Variants in FBXL17 observed in about 807,000 individuals in gnomAD.
FBXL17 encodes the protein F-box/LRR-repeat protein 17.
In FBXL17, 22 loss-of-function variants were observed where a neutral mutation model predicts 66.2. The ratio of observed to expected loss-of-function variants is 0.33; its 90% confidence interval spans 0.24 to 0.47. The LOEUF (loss-of-function observed/expected upper bound fraction) is 0.47. Ranked by LOEUF, FBXL17 falls within the 20% of genes least tolerant of loss-of-function variation. FBXL17 has a pLI of 1.00. For missense variants in FBXL17, 878 were observed against 948.2 expected, an observed-to-expected ratio of 0.93 and a Z score of 0.97; for synonymous variants, 474 against 400.5, an observed-to-expected ratio of 1.18 and a Z score of -2.19.
intron 6 of FBXL17, among the ~76,000 whole-genome samples, chr5:108,146,100 C>T (rs919831094): frequency 2.6e-5 from 4 of 151,864 alleles, no homozygotes; most frequent in South Asian, 2.1e-4. Context: ...GGCGTGATAG[C>T]GGGCACCTGC....
intron 7 of FBXL17, among the ~76,000 whole-genome samples, chr5:107,941,285 A>G (rs1028486092): frequency 6.6e-6 from 1 of 152,216 alleles, no homozygotes; most frequent in African/African-American, 2.4e-5. Context: ...TCAACCACTC[A>G]TCTTAAAAAC....
chr5:108,206,423 T>C (rs1389931552), intron 5 of FBXL17, among the ~76,000 whole-genome samples: 2 of 152,150 alleles, frequency 1.3e-5, no homozygotes, highest in Non-Finnish European at 2.9e-5. Flanking sequence ...ATATTTAAAA[T>C]GTATAATTTG....
At chr5:108,181,876 T>G (rs914727319) in intron 6 of FBXL17, among the ~76,000 whole-genome samples, 2 of 152,140 alleles carry the variant, frequency 1.3e-5, no homozygotes, top group African/African-American at 4.8e-5. Flanking sequence ...ATTCACTTTT[T>G]CTTGTTTAGA....
Position 108,229,549 on chromosome 5 carries a change from C to T in FBXL17, c.1507-5321G>A, listed in dbSNP as rs1287278108. Among the ~76,000 whole-genome samples, 5 of 152,204 alleles carry T rather than the reference C, an allele frequency of 3.3e-5. No homozygotes were observed. In the South Asian group the frequency reaches 1.0e-3, roughly 32 times the overall value. ...ATGAAACTGGATCCTCATCTCTCACCTTATACAAAAATCGAATCAAGATGG... is the reference window on the plus strand; with the variant it reads ...ATGAAACTGGATCCTCATCTCTCACTTTATACAAAAATCGAATCAAGATGG... On this transcript the variant is annotated intron_variant, in intron 4 of 8. Transcript: ENST00000542267.
chr5:107,960,660 C>T (rs1410831172), intron 7 of FBXL17, among the ~76,000 whole-genome samples: 3 of 152,130 alleles, frequency 2.0e-5, no homozygotes, highest in East Asian at 1.9e-4. Flanking sequence ...TCCATGTTGT[C>T]CCAAAGTAAT....
At chr5:108,047,189 C>T (rs922087718) in intron 6 of FBXL17, among the ~76,000 whole-genome samples, 3 of 152,156 alleles carry the variant, frequency 2.0e-5, no homozygotes, top group Non-Finnish European at 4.4e-5. Context: ...TAGTATGGTG[C>T]GGTGGTACAC....
At chr5:108,264,028 A>C (rs1182680682) in intron 4 of FBXL17, among the ~76,000 whole-genome samples, 3 of 151,940 alleles carry the variant, frequency 2.0e-5, no homozygotes, top group Non-Finnish European at 4.4e-5. Flanking sequence ...AACCTGGCCA[A>C]TGCTGGTGAA....
At chr5:108,351,400 T>C (rs1021522942) in intron 3 of FBXL17, among the ~76,000 whole-genome samples, 1 of 152,158 alleles carries the variant, frequency 6.6e-6, no homozygotes, top group Non-Finnish European at 1.5e-5. Flanking sequence ...GTTTTCTCAT[T>C]CTGTAGGAAG....
chr5:107,908,077 A>C (rs1749823560), intron 7 of FBXL17, among the ~76,000 whole-genome samples: 1 of 152,206 alleles, frequency 6.6e-6, no homozygotes, highest in South Asian at 2.1e-4. Flanking sequence ...TGGATTAAGA[A>C]AATGTGGCAC....
intron 1 of FBXL17, among the ~76,000 whole-genome samples, chr5:108,374,535 G>A (rs933623413): frequency 1.1e-4 from 16 of 152,148 alleles, no homozygotes; most frequent in East Asian, 7.7e-4. Context: ...TTAGCCGGGC[G>A]TGGTGGCATG....
chr5:108,272,486 T>A (rs1293294405), intron 4 of FBXL17, among the ~76,000 whole-genome samples: 1 of 151,714 alleles, frequency 6.6e-6, no homozygotes, highest in Non-Finnish European at 1.5e-5. Context: ...CCCAAGTAGC[T>A]GGGACTACAG....
intron 7 of FBXL17, among the ~76,000 whole-genome samples, chr5:107,890,866 A>T (rs1580687454): frequency 6.6e-6 from 1 of 152,172 alleles, no homozygotes; most frequent in Non-Finnish European, 1.5e-5. Context: ...CAGAGTGAAT[A>T]GATTATCTTT....
At chr5:107,880,622 G>T in intron 8 of FBXL17, 1 of 1,120,154 alleles carries the variant, frequency 8.9e-7, no homozygotes. Flanking sequence ...TTACACACTT[G>T]TGAAAAACCA....
intron 7 of FBXL17, among the ~76,000 whole-genome samples, chr5:107,925,677 T>G (rs939078158): frequency 3.3e-5 from 5 of 152,202 alleles, no homozygotes; most frequent in African/African-American, 4.8e-5. Context: ...CAAGCGGGAA[T>G]GAGCGCCAGT....
At chr5:108,239,427 T>C (rs1436412715) in intron 4 of FBXL17, among the ~76,000 whole-genome samples, 26 of 152,166 alleles carry the variant, frequency 1.7e-4, no homozygotes, top group Admixed American at 1.7e-3. Context: ...CTCTGTGACC[T>C]TGCATTGGAA....
intron 4 of FBXL17, among the ~76,000 whole-genome samples, chr5:108,319,680 G>C (rs1195185188): frequency 6.6e-6 from 1 of 151,206 alleles, no homozygotes; most frequent in African/African-American, 2.4e-5. Context: ...ATTTTAACTG[G>C]AGAAAATTAT....
At chr5:108,330,402 T>C (rs1760066703) in intron 4 of FBXL17, among the ~76,000 whole-genome samples, 1 of 152,220 alleles carries the variant, frequency 6.6e-6, no homozygotes, top group African/African-American at 2.4e-5. Context: ...GGGATTACTG[T>C]TTAGGTCCTT....
intron 4 of FBXL17, among the ~76,000 whole-genome samples, chr5:108,266,518 T>C (rs1561496306): frequency 6.6e-6 from 1 of 152,096 alleles, no homozygotes; most frequent in Non-Finnish European, 1.5e-5. Context: ...GTGCTTATGT[T>C]GAAGTAACTC....
chr5:108,324,010 T>C (rs897668433), intron 4 of FBXL17, among the ~76,000 whole-genome samples: 1 of 151,920 alleles, frequency 6.6e-6, no homozygotes, highest in Non-Finnish European at 1.5e-5. Flanking sequence ...GATAAAAGCT[T>C]TACAACGTTG....
Sources: gnomAD v4.1 joint callset for allele counts (sites outside exome capture counted in the v4.1 genomes callset) on GRCh38, gnomAD v4.1.1 for gene constraint, MANE v1.5 for transcripts, NCBI Gene and HGNC (gene_info 2026-07-23, HGNC 2026-07-21) for gene names.